MYLK: variants seen among roughly 807,000 people sequenced by gnomAD.
MYLK encodes the protein myosin light chain kinase, smooth muscle.
MYLK carries 106 observed loss-of-function variants against 203.4 expected under a neutral mutation model. That is an observed-to-expected ratio of 0.52 (90% CI 0.45 to 0.61). MYLK has a LOEUF of 0.61. MYLK is among the 20% of genes least tolerant of loss of function. MYLK has a pLI of 0.00. For synonymous variants in MYLK, 867 were observed against 959.5 expected, an observed-to-expected ratio of 0.90 and a Z score of 1.78; for missense variants, 2,072 against 2,442.3, an observed-to-expected ratio of 0.85 and a Z score of 3.20.
intron 18 of MYLK, among the ~76,000 whole-genome samples, chr3:123,698,301 C>T (rs1287074360): frequency 3.9e-5 from 6 of 152,138 alleles, no homozygotes; most frequent in Non-Finnish European, 8.8e-5. Flanking sequence ...AAGAATGATG[C>T]GAACTGCAAG....
chr3:123,628,056 G>A (rs2058237409), intron 30 of MYLK, among the ~76,000 whole-genome samples: 1 of 152,162 alleles, frequency 6.6e-6, no homozygotes, highest in Non-Finnish European at 1.5e-5. Context: ...TTGGGTGTGG[G>A]GGTCCCTCAT....
chr3:123,790,090 C>G (rs1040596826), intron 4 of MYLK, among the ~76,000 whole-genome samples: 1 of 152,188 alleles, frequency 6.6e-6, no homozygotes, highest in African/African-American at 2.4e-5. Context: ...TCTTTTCACT[C>G]TCTCCACTGC....
chr3:123,699,944 C>T (rs535677775), intron 18 of MYLK, 76 bp downstream of exon 18: 25 of 1,601,280 alleles, frequency 1.6e-5, no homozygotes, highest in African/African-American at 1.2e-4. Context: ...CAGGGGTCAG[C>T]GAGACCAACG....
intron 12 of MYLK, among the ~76,000 whole-genome samples, chr3:123,725,415 A>T (rs902587420): frequency 6.6e-6 from 1 of 152,220 alleles, no homozygotes; most frequent in African/African-American, 2.4e-5. Context: ...CAAAAAAAAG[A>T]GTTGGCGAGT....
chr3:123,723,587 C>A lies in MYLK; in HGVS notation c.1652-1307G>T, dbSNP rs138486921. Among the ~76,000 whole-genome samples the A allele has an allele frequency of 9.3e-4, 141 of 152,332 alleles. 1 individual carries two copies. Among genetic ancestry groups the A allele is most frequent in the African/African-American group, 3.3e-3 (138 of 41,560 alleles). On this transcript the variant is annotated intron_variant, in intron 12 of 33. Coordinates refer to ENST00000360304, the MANE Select transcript of MYLK (RefSeq NM_053025.4). ...GAGCTCTCCTTTAACTGGAACGTAACTCACTGTGGCCCCACAAACATGGGA... is the reference window on the plus strand; with the variant it reads ...GAGCTCTCCTTTAACTGGAACGTAAATCACTGTGGCCCCACAAACATGGGA...
At position 123,613,391 on chromosome 3, in the gene MYLK, T is replaced by G. The variant is rs2057300010; in HGVS notation, c.*714A>C. On this transcript the variant is annotated 3_prime_UTR_variant, in exon 34 of 34. Coordinates refer to ENST00000360304, the MANE Select transcript of MYLK (RefSeq NM_053025.4). ...CAAATGTCTGAAGCTGCTAGACATC[T>G]GCAAAGAGGGGATAAGTTTAGATTT... 6.6e-6 allele frequency: 1 copy of G among 152,372 alleles called. No individual in the cohort carries two copies. The allele number at this position is 152,372 out of a possible 1,614,324, so 9.4% of individuals were successfully genotyped here.
At chr3:123,724,832 G>T (rs1180783708) in intron 12 of MYLK, among the ~76,000 whole-genome samples, 1 of 151,970 alleles carries the variant, frequency 6.6e-6, no homozygotes, top group Non-Finnish European at 1.5e-5. Flanking sequence ...GCAACCTCTG[G>T]CTTCTGGGTT....
chr3:123,820,903 A>G (rs1009243337), intron 3 of MYLK, among the ~76,000 whole-genome samples: 3 of 151,720 alleles, frequency 2.0e-5, no homozygotes, highest in Non-Finnish European at 2.9e-5. Flanking sequence ...TTTTTTTTGT[A>G]TATTTAGTAG....
In MYLK at chr3:123,712,521, C is replaced by T. The variant is rs1169374722; in HGVS notation, c.1805-2628G>A. ...TCTTCAACCCCACCTTCTCTGGGTT[C>T]TTCCCACAGCCCCTGTTTCCTGGGG... is the stretch of plus-strand genomic sequence containing the variant. On this transcript the variant is annotated intron_variant, in intron 13 of 33. Coordinates refer to ENST00000360304, the MANE Select transcript of MYLK (RefSeq NM_053025.4). Among the ~76,000 whole-genome samples the T allele has an allele frequency of 3.9e-5, 6 of 152,258 alleles. No individual in the cohort carries two copies. In the East Asian group the frequency reaches 1.2e-3, roughly 29 times the overall value.
At chr3:123,691,990 T>C (rs1306934385) in intron 19 of MYLK, among the ~76,000 whole-genome samples, 2 of 152,192 alleles carry the variant, frequency 1.3e-5, no homozygotes, top group Non-Finnish European at 2.9e-5. Context: ...AGGGTGTTCA[T>C]CTAAATCATC....
In MYLK at chr3:123,726,061, C is replaced by T; in HGVS notation, c.1534G>A (p.Val512Met). The part of the protein sequence containing the change: ...LQVERLAVME[V>M]APSFSSVLKD... ...AGGACACTGGAGAAGGAGGGGGCCA[C>T]CTCCATCACGGCAAGCCCTGTGAGG... The change falls in exon 12 of 34, where the codon GTG (valine) becomes ATG (methionine). Residue 512 changes from valine to methionine, a missense_variant. Around this residue, in one of 3 missense-constraint regions of MYLK, gnomAD observed 683 missense variants for 643.8 expected, o/e 1.06. Coordinates refer to ENST00000360304, the MANE Select transcript of MYLK (RefSeq NM_053025.4). 1 of 1,614,182 alleles carries T rather than the reference C, an allele frequency of 6.2e-7. No individual in the cohort carries two copies. The highest frequency in any genetic ancestry group is 8.5e-7 in the Non-Finnish European group (1 of 1,180,028).
intron 2 of MYLK, among the ~76,000 whole-genome samples, chr3:123,842,114 C>T (rs1280340420): frequency 6.6e-6 from 1 of 151,980 alleles, no homozygotes; most frequent in African/African-American, 2.4e-5. Flanking sequence ...CTATCTATAT[C>T]TGTAGCTATA....
At chr3:123,742,972 G>C (rs1054703906) in intron 5 of MYLK, among the ~76,000 whole-genome samples, 2 of 152,112 alleles carry the variant, frequency 1.3e-5, no homozygotes, top group Non-Finnish European at 2.9e-5. Flanking sequence ...GGGGGAGGAG[G>C]GGATGGGGAA....
rs1022046190 is a variant in MYLK at position 123,857,361 on chromosome 3, G to A, written c.-127+19198C>T. 1.5e-3 allele frequency among the ~76,000 whole-genome samples: 208 copies of A among 142,410 alleles called. No homozygotes were observed. The Middle Eastern group carries it at 0.022, about 15-fold the overall frequency. The allele number at this position is 142,410 out of a possible 152,430, so 93.4% of individuals were successfully genotyped here. On this transcript the variant is annotated intron_variant, in intron 2 of 33. Transcript: ENST00000360304. ...ACACATGCACACGTATGTTTATTGC[G>A]GCTCTATTCACAATAGCAAAGACTT...
intron 13 of MYLK, among the ~76,000 whole-genome samples, chr3:123,713,411 C>T (rs1266038714): frequency 1.3e-5 from 2 of 152,036 alleles, no homozygotes; most frequent in African/African-American, 2.4e-5. Flanking sequence ...GATGACAAGG[C>T]CGGGATGTTA....
intron 5 of MYLK, among the ~76,000 whole-genome samples, chr3:123,740,422 T>C (rs2062822276): frequency 6.6e-6 from 1 of 152,222 alleles, no homozygotes; most frequent in African/African-American, 2.4e-5. Flanking sequence ...CAGAACATTT[T>C]CTCAGTTAAA....
At chr3:123,689,849 C>T (rs950328656) in intron 19 of MYLK, 30 of 152,174 alleles carry the variant, frequency 2.0e-4, no homozygotes, top group Non-Finnish European at 3.8e-4. Flanking sequence ...CATAAACACC[C>T]CTTTTCTTAG....
chr3:123,640,480 C>T lies in MYLK; in HGVS notation c.4644G>A (p.Glu1548=), dbSNP rs768844388. 11 of 1,613,934 alleles carry T rather than the reference C, an allele frequency of 6.8e-6. No homozygotes were observed. The Admixed American group carries it at 8.3e-5, about 12-fold the overall frequency. The change falls in exon 28 of 34, where the codon GAG becomes GAA. Residue 1548 remains glutamate, a synonymous_variant. Coordinates refer to ENST00000360304, the MANE Select transcript of MYLK (RefSeq NM_053025.4). This position sits in a 1 kb window ranked among gnomAD's most constrained non-coding sequence, Gnocchi z 4.3. ...GCTCAAAGTCCTCGTCAATGATGCG[C>T]TCAAACAGCTCCCCTCCTGACACGC... is the stretch of plus-strand genomic sequence containing the variant. ...LEIVSGGELF[E]RIIDEDFELT... is the part of the protein sequence containing the mutation.
intron 4 of MYLK, among the ~76,000 whole-genome samples, chr3:123,781,341 G>T (rs555953536): frequency 2.6e-5 from 4 of 152,226 alleles, no homozygotes; most frequent in African/African-American, 9.6e-5. Context: ...GCCCTCCAGT[G>T]GCTGGACAAA....
Sources: gnomAD v4.1 joint callset for allele counts (sites outside exome capture counted in the v4.1 genomes callset) on GRCh38, gnomAD v4.1.1 for gene constraint, gnomAD v4.1.1 regional missense constraint, Gnocchi (gnomAD v3.1) non-coding constraint, MANE v1.5 for transcripts, NCBI Gene and HGNC (gene_info 2026-07-23, HGNC 2026-07-21) for gene names.